Variants in RIMS2 observed in about 807,000 individuals in gnomAD.
The protein encoded by RIMS2 is regulating synaptic membrane exocytosis protein 2.
A neutral mutation model predicts 174.4 loss-of-function variants in RIMS2; 59 were observed. The ratio of observed to expected loss-of-function variants is 0.34; its 90% confidence interval spans 0.27 to 0.42. The LOEUF is 0.42. Ranked by LOEUF, RIMS2 falls within the 10% of genes least tolerant of loss-of-function variation. RIMS2 has a pLI of 1.00. For synonymous variants in RIMS2, 606 were observed against 572.5 expected (o/e 1.06, Z -0.84); for missense variants, 1,620 against 1,666.3 (o/e 0.97, Z 0.48).
intron 3 of RIMS2, among the ~76,000 whole-genome samples, chr8:103,858,758 C>CAT (rs969252086): frequency 7.3e-6 from 1 of 136,308 alleles, no homozygotes; most frequent in Non-Finnish European, 1.6e-5. Context: ...CACACACACA[C>CAT]ATATATGGGA....
At chr8:103,712,900 T>C (rs896494496) in intron 2 of RIMS2, among the ~76,000 whole-genome samples, 3 of 152,166 alleles carry the variant, frequency 2.0e-5, no homozygotes, top group African/African-American at 7.2e-5. Context: ...AATAAAAGAA[T>C]TTTTTTGAAG....
intron 1 of RIMS2, among the ~76,000 whole-genome samples, chr8:103,611,612 C>T (rs1347922786): frequency 6.6e-6 from 1 of 151,564 alleles, no homozygotes; most frequent in African/African-American, 2.4e-5. Flanking sequence ...ATGCCACTCT[C>T]TCCTGGCCTG....
At chr8:104,085,350 T>G (rs1004674939) in intron 19 of RIMS2, among the ~76,000 whole-genome samples, 5 of 152,232 alleles carry the variant, frequency 3.3e-5, no homozygotes, top group Admixed American at 6.5e-5. Context: ...GAAAGACATA[T>G]GGTCATACCA....
intron 1 of RIMS2, among the ~76,000 whole-genome samples, chr8:103,614,086 C>A (rs141739550): frequency 6.6e-6 from 1 of 152,360 alleles, no homozygotes; most frequent in East Asian, 1.9e-4. Context: ...TGGCTCTGAG[C>A]CCATCCCAGC....
intron 19 of RIMS2, among the ~76,000 whole-genome samples, chr8:104,179,591 G>A (rs11994599): frequency 0.023 from 3,490 of 151,842 alleles, 137 homozygotes; most frequent in African/African-American, 0.077. Context: ...TCTATTTTGT[G>A]CTTAGTAAAC....
At chr8:104,079,373 T>C (rs891658019) in intron 19 of RIMS2, among the ~76,000 whole-genome samples, 3 of 151,588 alleles carry the variant, frequency 2.0e-5, no homozygotes, top group African/African-American at 4.8e-5. Context: ...TAAAAAATAA[T>C]AATAAACATA....
chr8:103,948,082 T>C (rs1344932009), intron 14 of RIMS2, among the ~76,000 whole-genome samples: 5 of 152,184 alleles, frequency 3.3e-5, no homozygotes, highest in African/African-American at 1.2e-4. Flanking sequence ...AATAAGGCCA[T>C]GAAAAGCTGC....
At chr8:104,106,378 T>C (rs963227800) in intron 19 of RIMS2, among the ~76,000 whole-genome samples, 1 of 152,204 alleles carries the variant, frequency 6.6e-6, no homozygotes, top group Non-Finnish European at 1.5e-5. Context: ...AGATTAATTT[T>C]TACTGATTAA....
At chr8:104,183,857 GT>G (rs2098953940) in intron 19 of RIMS2, among the ~76,000 whole-genome samples, 1 of 151,618 alleles carries the variant, frequency 6.6e-6, no homozygotes, top group South Asian at 2.1e-4. Context: ...TTCGGGGAAA[GT>G]GGTAGATCGA....
chr8:103,751,321 C>T (rs1353220312), intron 2 of RIMS2, among the ~76,000 whole-genome samples: 2 of 151,822 alleles, frequency 1.3e-5, no homozygotes, highest in Non-Finnish European at 2.9e-5. Flanking sequence ...GTATATGTGC[C>T]ACATTTTCTT....
At chr8:104,031,040 A>C (rs1427960883) in intron 19 of RIMS2, among the ~76,000 whole-genome samples, 2 of 152,168 alleles carry the variant, frequency 1.3e-5, no homozygotes, top group Non-Finnish European at 1.5e-5. Flanking sequence ...ATGAGAAATA[A>C]TTGTAGATAA....
intron 1 of RIMS2, among the ~76,000 whole-genome samples, chr8:103,695,180 C>T (rs1020700158): frequency 3.9e-5 from 6 of 152,080 alleles, no homozygotes; most frequent in African/African-American, 9.7e-5. Context: ...CTGTTCAGTG[C>T]GTCTTTTATT....
chr8:103,702,178 TA>T (rs1225328015), intron 2 of RIMS2, among the ~76,000 whole-genome samples: 1 of 152,218 alleles, frequency 6.6e-6, no homozygotes, highest in Non-Finnish European at 1.5e-5. Flanking sequence ...ATTTTTCTGA[TA>T]ATTAGTAATG....
rs1392752655 is a variant in RIMS2, at chr8:104,052,531, C to T, written c.3334+37916C>T. Among the ~76,000 whole-genome samples, 3 of 151,762 alleles carry T rather than the reference C, an allele frequency of 2.0e-5. No individual in the cohort carries two copies. The East Asian group carries it at 5.8e-4, about 29-fold the overall frequency. ...AAAGCTTTGAATCTAAAGCAGTGGGCAAGAAACCAAAAAAGATCAAGAGAT... is the reference window on the plus strand; with the variant it reads ...AAAGCTTTGAATCTAAAGCAGTGGGTAAGAAACCAAAAAAGATCAAGAGAT... On this transcript the variant is annotated intron_variant, in intron 19 of 23. Coordinates refer to ENST00000504942, the Ensembl canonical transcript of RIMS2.
intron 3 of RIMS2, among the ~76,000 whole-genome samples, chr8:103,815,929 C>A (rs1405253916): frequency 1.3e-5 from 2 of 152,080 alleles, no homozygotes; most frequent in Non-Finnish European, 2.9e-5. Flanking sequence ...AACCATAGCT[C>A]AGATACATAA....
rs1399823573 is a variant in RIMS2, at chr8:103,788,735, C to T, written c.698+22198C>T. Among the ~76,000 whole-genome samples, 5 of 152,272 alleles carry T rather than the reference C, an allele frequency of 3.3e-5. No homozygotes were observed. In the East Asian group the frequency reaches 5.8e-4, roughly 18 times the overall value. On this transcript the variant is annotated intron_variant, in intron 3 of 23. Transcript: ENST00000504942. ...ACTGCTGTCTTTTTGTTTGTCTGTG[C>T]CCTGCCCCCAGAGGTGGAGCCTACA...
rs71575988 is a variant in RIMS2, at chr8:103,967,170, G to GTTTTTTTTTTTTTTTTTTTTTTTTT, written c.2770+6043_2770+6067dup. ...TTTTCTGCCTGCTTGATCTGTTCTT[G>GTTTTTTTTTTTTTTTTTTTTTTTTT]TTTTTTTTTTTTTTTTTTTTTTTTT... On this transcript the variant is annotated intron_variant, in intron 15 of 23. Coordinates refer to ENST00000504942, the Ensembl canonical transcript of RIMS2. Among the ~76,000 whole-genome samples, 6 of 24,962 alleles carry GTTTTTTTTTTTTTTTTTTTTTTTTT rather than the reference G, an allele frequency of 2.4e-4. 1 individual carries two copies. Among genetic ancestry groups the GTTTTTTTTTTTTTTTTTTTTTTTTT allele is most frequent in the African/African-American group, 1.1e-3 (5 of 4,738 alleles). The allele number at this position is 24,962 out of a possible 152,430, so 16.4% of individuals were successfully genotyped here.
intron 3 of RIMS2, among the ~76,000 whole-genome samples, chr8:103,782,737 A>G (rs571184706): frequency 6.6e-6 from 1 of 152,242 alleles, no homozygotes; most frequent in South Asian, 2.1e-4. Flanking sequence ...TTTTTATCAT[A>G]AGTGAGTCAA....
At chr8:104,003,141 T>C (rs954006701) in intron 17 of RIMS2, among the ~76,000 whole-genome samples, 4 of 152,140 alleles carry the variant, frequency 2.6e-5, no homozygotes, top group African/African-American at 9.7e-5. Context: ...ACACAACATA[T>C]TAAGGAACTA....
Sources: allele counts gnomAD v4.1 joint callset (sites outside exome capture counted in the v4.1 genomes callset), GRCh38; gene constraint gnomAD v4.1.1; transcripts MANE v1.5; gene names NCBI Gene and HGNC (gene_info 2026-07-23, HGNC 2026-07-21).